CFAP221: variants seen among roughly 807,000 people sequenced by gnomAD.
The protein encoded by CFAP221 is cilia and flagella associated protein 221.
Under a neutral mutation model 113.1 loss-of-function variants are expected in CFAP221, and 97 were observed. That is an observed-to-expected ratio of 0.86 (90% CI 0.73 to 1.02). The LOEUF is 1.02. Among genes scored for constraint, CFAP221 ranks in the 50% least tolerant of loss-of-function variants. The pLI is 0.00. For missense variants in CFAP221, 1,025 were observed against 1,013.4 expected, an observed-to-expected ratio of 1.01 and a Z score of -0.16; for synonymous variants, 331 against 354.4, an observed-to-expected ratio of 0.93 and a Z score of 0.74.
intron 16 of CFAP221, among the ~76,000 whole-genome samples, chr2:119,628,355 C>T (rs1205600711): frequency 6.9e-6 from 1 of 145,224 alleles, no homozygotes. Context: ...CTTGGGGTAG[C>T]AGGAGGTATA....
chr2:119,557,890 C>G (rs1680929398), intron 3 of CFAP221, among the ~76,000 whole-genome samples: 1 of 146,660 alleles, frequency 6.8e-6, no homozygotes, highest in Non-Finnish European at 1.5e-5. Flanking sequence ...ACCTGGGAGG[C>G]AGAGGCTGCA....
intron 14 of CFAP221, among the ~76,000 whole-genome samples, chr2:119,619,481 C>G (rs911986955): frequency 6.6e-6 from 1 of 152,172 alleles, no homozygotes; most frequent in Non-Finnish European, 1.5e-5. Context: ...CTCCAGCAGA[C>G]CTGCAGCAGA....
At chr2:119,617,316 A>C (rs1685594979) in intron 14 of CFAP221, among the ~76,000 whole-genome samples, 1 of 152,186 alleles carries the variant, frequency 6.6e-6, no homozygotes, top group Non-Finnish European at 1.5e-5. Context: ...TGTCCCTGGT[A>C]AGGCTTTCCC....
At chr2:119,638,834 C>G (rs528473648) in intron 20 of CFAP221, among the ~76,000 whole-genome samples, 1 of 152,218 alleles carries the variant, frequency 6.6e-6, no homozygotes, top group South Asian at 2.1e-4. Context: ...TTACTTCCCC[C>G]CCAGGGAACC....
At chr2:119,553,773 G>T (rs551406456) in intron 3 of CFAP221, among the ~76,000 whole-genome samples, 4 of 152,280 alleles carry the variant, frequency 2.6e-5, no homozygotes, top group Admixed American at 2.6e-4. Flanking sequence ...TCAGCTCGGC[G>T]TCATTCTGCT....
At chr2:119,630,949 A>G (rs1686734423) in intron 19 of CFAP221, 48 bp downstream of exon 19, 1 of 1,602,084 alleles carries the variant, frequency 6.2e-7, no homozygotes, top group Non-Finnish European at 8.5e-7. Context: ...CCTTTATTTC[A>G]GCAATTACTC....
chr2:119,635,222 C>G (rs1238707560), intron 19 of CFAP221, among the ~76,000 whole-genome samples: 1 of 152,200 alleles, frequency 6.6e-6, no homozygotes, highest in East Asian at 1.9e-4. Context: ...TAAAATGGTA[C>G]AACTACTTTG....
intron 23 of CFAP221, among the ~76,000 whole-genome samples, chr2:119,654,664 T>C (rs1458982412): frequency 6.6e-6 from 1 of 152,200 alleles, no homozygotes; most frequent in African/African-American, 2.4e-5. Context: ...AAACTAACAA[T>C]GAACTATAAA....
chr2:119,549,482 T>C (rs1305449457), intron 3 of CFAP221, among the ~76,000 whole-genome samples: 3 of 152,264 alleles, frequency 2.0e-5, no homozygotes, highest in Non-Finnish European at 4.4e-5. Context: ...TTAATCCTTA[T>C]GCTAGCTCTG....
intron 16 of CFAP221, among the ~76,000 whole-genome samples, chr2:119,628,339 T>TGTGTGTG (rs1553491091): frequency 2.4e-5 from 1 of 42,428 alleles, no homozygotes; most frequent in Non-Finnish European, 6.9e-5. Flanking sequence ...GTGTGTATCT[T>TGTGTGTG]TCTCTCTTGG....
chr2:119,585,965 G>A (rs920107455), intron 6 of CFAP221, among the ~76,000 whole-genome samples: 16 of 152,312 alleles, frequency 1.1e-4, no homozygotes, highest in Admixed American at 5.2e-4. Flanking sequence ...AGCTGGTCTG[G>A]CAGCTCTGCT....
intron 3 of CFAP221, among the ~76,000 whole-genome samples, chr2:119,550,231 G>A (rs1046872405): frequency 2.0e-5 from 3 of 152,108 alleles, no homozygotes; most frequent in African/African-American, 4.8e-5. Flanking sequence ...CTTAGAAGCC[G>A]TATCTTAAGG....
chr2:119,583,815 C>T (rs746165382), intron 6 of CFAP221, among the ~76,000 whole-genome samples: 2 of 152,278 alleles, frequency 1.3e-5, no homozygotes, highest in Middle Eastern at 3.4e-3. Context: ...TGGAGAGCTT[C>T]GTAGCCCCTT....
chr2:119,546,532 T>C (rs968437563), intron 2 of CFAP221, among the ~76,000 whole-genome samples: 3 of 152,220 alleles, frequency 2.0e-5, no homozygotes, highest in African/African-American at 7.2e-5. Context: ...ATCTTGTTTC[T>C]CATGTTCAGC....
chr2:119,596,778 A>G (rs1684012102), intron 7 of CFAP221, among the ~76,000 whole-genome samples: 1 of 152,216 alleles, frequency 6.6e-6, no homozygotes, highest in Non-Finnish European at 1.5e-5. Context: ...TTCCTGGGAA[A>G]TTTAGACATG....
rs138133791 is a variant in CFAP221, at chr2:119,585,700, G to T, written c.528-1419G>T. ...TTGGGCATAATTTTAAAAGCCACATGTGAGTTATGTCATATCCCCAAAATT... is the reference window on the plus strand; with the variant it reads ...TTGGGCATAATTTTAAAAGCCACATTTGAGTTATGTCATATCCCCAAAATT... On this transcript the variant is annotated intron_variant, in intron 6 of 23. Transcript: ENST00000413369. 9.8e-5 allele frequency among the ~76,000 whole-genome samples: 15 copies of T among 152,316 alleles called. No individual in the cohort carries two copies. The South Asian group carries it at 2.9e-3, about 29-fold the overall frequency.
At chr2:119,619,274 C>T (rs1388020497) in intron 14 of CFAP221, among the ~76,000 whole-genome samples, 1 of 152,230 alleles carries the variant, frequency 6.6e-6, no homozygotes, top group African/African-American at 2.4e-5. Flanking sequence ...GTCTCTGATC[C>T]CTGTGCCTCC....
chr2:119,634,093 G>T (rs971370993), intron 19 of CFAP221, among the ~76,000 whole-genome samples: 15 of 152,252 alleles, frequency 9.9e-5, no homozygotes, highest in African/African-American at 3.4e-4. Context: ...GGGCAACAGA[G>T]TGAGACCCTG....
intron 22 of CFAP221, among the ~76,000 whole-genome samples, chr2:119,651,179 C>T (rs1688108164): frequency 6.6e-6 from 1 of 152,210 alleles, no homozygotes; most frequent in Non-Finnish European, 1.5e-5. Flanking sequence ...CCATCCCTCC[C>T]TGCTTTGCTC....
Sources: gnomAD v4.1 joint callset for allele counts (sites outside exome capture counted in the v4.1 genomes callset) on GRCh38, gnomAD v4.1.1 for gene constraint, MANE v1.5 for transcripts, NCBI Gene and HGNC (gene_info 2026-07-23, HGNC 2026-07-21) for gene names.